PIEZO2: variants seen among roughly 807,000 people sequenced by gnomAD.
PIEZO2 encodes piezo-type mechanosensitive ion channel component 2.
A neutral mutation model predicts 337.3 loss-of-function variants in PIEZO2; 172 were observed. That is an observed-to-expected ratio of 0.51 (90% CI 0.45 to 0.58). The LOEUF (loss-of-function observed/expected upper bound fraction) is 0.58, where lower values mean the gene tolerates loss of function less well. PIEZO2 is among the 20% of genes least tolerant of loss of function. PIEZO2 has a pLI of 0.00. For synonymous variants in PIEZO2, 1,251 were observed against 1,228.5 expected, an observed-to-expected ratio of 1.02 and a Z score of -0.38; for missense variants, 3,028 against 3,391.3, an observed-to-expected ratio of 0.89 and a Z score of 2.66.
Position 10,878,770 on chromosome 18 carries a change from C to T in PIEZO2, c.330-7355G>A, listed in dbSNP as rs1477758800. On this transcript the variant is annotated intron_variant, in intron 4 of 55. Transcript: ENST00000674853. The surrounding 1 kb of genome is among the most constrained non-coding windows in gnomAD (Gnocchi z 4.3). The stretch of plus-strand genomic sequence containing the variant: ...CAGGGTAAGGTCAGACCATACAAAG[C>T]TTGGATGTTTTGAAAAAAAAAAAAA... Among the ~76,000 whole-genome samples, 1 of 146,264 alleles carries T rather than the reference C, an allele frequency of 6.8e-6. No individual in the cohort carries two copies.
At position 10,706,770 on chromosome 18, in the gene PIEZO2, G is replaced by A. The variant is rs556791733; in HGVS notation, c.5589-1024C>T. ...ACCTCAGACACATCCAGCCACGGACGGGAGAGGGGCAAAACCCACCTGGAG... is the reference window on the plus strand; with the variant it reads ...ACCTCAGACACATCCAGCCACGGACAGGAGAGGGGCAAAACCCACCTGGAG... On this transcript the variant is annotated intron_variant, in intron 40 of 55. Transcript: ENST00000674853. Among the ~76,000 whole-genome samples, 68 of 152,248 alleles carry A rather than the reference G, an allele frequency of 4.5e-4. No homozygotes were observed. In the East Asian group the frequency reaches 7.2e-3, roughly 16 times the overall value.
rs180694493 is a variant in PIEZO2 at position 10,699,698 on chromosome 18, T to A, written c.6442-521A>T. 5.5e-5 allele frequency among the ~76,000 whole-genome samples: 8 copies of A among 145,490 alleles called. No homozygotes were observed. The East Asian group carries it at 2.0e-3, about 36-fold the overall frequency. ...TATGAGGGTCCCAGTAGGGAAGAGA[T>A]GGGTGGGTATAGATAATAAGATTTT... On this transcript the variant is annotated intron_variant, in intron 43 of 55. Transcript: ENST00000674853.
Position 10,997,658 on chromosome 18 carries a change from C to T in PIEZO2, c.161-17998G>A, listed in dbSNP as rs1009271656. On this transcript the variant is annotated intron_variant, in intron 2 of 55. Transcript: ENST00000674853. ...AACATTCACCTAATGGTCTCAAGAG[C>T]AGAGTGGTAATGACAAAAAATGAGT... Among the ~76,000 whole-genome samples the T allele has an allele frequency of 2.6e-5, 4 of 152,002 alleles. No individual in the cohort carries two copies. The East Asian group carries it at 5.8e-4, about 22-fold the overall frequency.
At chr18:11,082,931 T>C (rs1254694341) in intron 1 of PIEZO2, among the ~76,000 whole-genome samples, 1 of 152,240 alleles carries the variant, frequency 6.6e-6, no homozygotes, top group East Asian at 1.9e-4. Flanking sequence ...TCATATTATA[T>C]TAAACACATA....
Position 10,778,107 on chromosome 18 carries a change from A to G in PIEZO2, c.2534+2218T>C, listed in dbSNP as rs561433524. Among the ~76,000 whole-genome samples the G allele has an allele frequency of 1.1e-4, 17 of 152,296 alleles. No individual in the cohort carries two copies. In the East Asian group the frequency reaches 3.3e-3, roughly 29 times the overall value. ...TGAATTGTAGGTATGCCCCTCTTTCAGCCCAGAACTAACATTTATAAACAT... is the reference window on the plus strand; with the variant it reads ...TGAATTGTAGGTATGCCCCTCTTTCGGCCCAGAACTAACATTTATAAACAT... On this transcript the variant is annotated intron_variant, in intron 18 of 55. Transcript: ENST00000674853.
At chr18:10,791,084 C>T (rs771105092) in intron 14 of PIEZO2, 117 bp downstream of exon 14, 6 of 1,156,624 alleles carry the variant, frequency 5.2e-6, no homozygotes, top group East Asian at 2.9e-5. Flanking sequence ...TTACTTATTG[C>T]TCCAAGTTTA....
At chr18:10,712,615 G>A (rs1282873034) in intron 39 of PIEZO2, among the ~76,000 whole-genome samples, 1 of 152,166 alleles carries the variant, frequency 6.6e-6, no homozygotes, top group Non-Finnish European at 1.5e-5. Context: ...ATTGTGGGAG[G>A]TTTTCAGGAA....
chr18:10,788,344 G>A (rs1180892695), intron 15 of PIEZO2, among the ~76,000 whole-genome samples: 1 of 150,698 alleles, frequency 6.6e-6, no homozygotes, highest in African/African-American at 2.4e-5. Flanking sequence ...AGAGATTGCA[G>A]TGAGCAATGA....
intron 2 of PIEZO2, among the ~76,000 whole-genome samples, chr18:10,996,441 G>C (rs1468936505): frequency 6.6e-6 from 1 of 152,102 alleles, no homozygotes; most frequent in Non-Finnish European, 1.5e-5. Context: ...CAATTATTTG[G>C]AAGTAAATAA....
At position 11,031,314 on chromosome 18, in the gene PIEZO2, A is replaced by C. The variant is rs1306898298; in HGVS notation, c.160+34813T>G. Among the ~76,000 whole-genome samples, 1 of 151,610 alleles carries C rather than the reference A, an allele frequency of 6.6e-6. No individual in the cohort carries two copies. Among genetic ancestry groups the C allele is most frequent in the Non-Finnish European group, 1.5e-5 (1 of 67,868 alleles). On this transcript the variant is annotated intron_variant, in intron 2 of 55. Transcript: ENST00000674853. The surrounding 1 kb of genome is among the most constrained non-coding windows in gnomAD (Gnocchi z 4.7). ...GCGCCTGGCCTGGAATTTTTTTTTA[A>C]TAAGCCCATCAGGACCTTTCATAAC... is the stretch of plus-strand genomic sequence containing the variant.
Position 10,855,700 on chromosome 18 carries a change from A to G in PIEZO2, c.704-134T>C. ...GTTTTTTAAAATAGTAATTTTTAAA[A>G]ATCATGTTTGATTTATATAATAAAA... On this transcript the variant is annotated intron_variant, in intron 6 of 55. Coordinates refer to ENST00000674853, the MANE Select transcript of PIEZO2 (RefSeq NM_001378183.1). This position sits in a 1 kb window ranked among gnomAD's most constrained non-coding sequence, Gnocchi z 4.9. The G allele has an allele frequency of 1.4e-6, 1 of 702,636 alleles. No individual in the cohort carries two copies. Among genetic ancestry groups the G allele is most frequent in the South Asian group, 2.1e-5 (1 of 47,464 alleles). The allele number at this position is 702,636 out of a possible 1,614,324, so 43.5% of individuals were successfully genotyped here. A position where few individuals can be genotyped will look rare whatever the true frequency, so the allele number is the denominator to read the frequency against.
intron 40 of PIEZO2, among the ~76,000 whole-genome samples, chr18:10,706,550 AC>A (rs904861129): frequency 4.6e-5 from 7 of 152,020 alleles, no homozygotes; most frequent in African/African-American, 1.7e-4. Context: ...ACTTTCTTCT[AC>A]CAGTTCCTCT....
intron 4 of PIEZO2, among the ~76,000 whole-genome samples, chr18:10,896,551 T>G (rs920878006): frequency 1.3e-5 from 2 of 152,178 alleles, no homozygotes; most frequent in African/African-American, 4.8e-5. Flanking sequence ...GATGGCCGAG[T>G]GAAAACAATT....
intron 1 of PIEZO2, among the ~76,000 whole-genome samples, chr18:11,074,876 C>T (rs1043831815): frequency 1.3e-5 from 2 of 152,166 alleles, no homozygotes; most frequent in African/African-American, 4.8e-5. Flanking sequence ...TAGCTCAAGG[C>T]AGTAATTTTA....
In PIEZO2 at chr18:10,853,631, A is replaced by C. The variant is rs2041618619; in HGVS notation, c.917+1722T>G. Among the ~76,000 whole-genome samples the C allele has an allele frequency of 6.6e-6, 1 of 152,220 alleles. No homozygotes were observed. Among genetic ancestry groups the C allele is most frequent in the African/African-American group, 2.4e-5 (1 of 41,464 alleles). On this transcript the variant is annotated intron_variant, in intron 7 of 55. Coordinates refer to ENST00000674853, the MANE Select transcript of PIEZO2 (RefSeq NM_001378183.1). The surrounding 1 kb of genome is among the most constrained non-coding windows in gnomAD (Gnocchi z 4.2). ...TATGAACCTTTCCTCATGCAAAGAA[A>C]AGTTCAAATAGGACAGTGGATAACC...
Position 10,828,608 on chromosome 18 carries a change from G to A in PIEZO2, c.918-21334C>T, listed in dbSNP as rs566075962. 9.2e-5 allele frequency among the ~76,000 whole-genome samples: 14 copies of A among 152,160 alleles called. No individual in the cohort carries two copies. In the South Asian group the frequency reaches 2.3e-3, roughly 25 times the overall value. On this transcript the variant is annotated intron_variant, in intron 7 of 55. Transcript: ENST00000674853. This position sits in a 1 kb window ranked among gnomAD's most constrained non-coding sequence, Gnocchi z 4.1. The stretch of plus-strand genomic sequence containing the variant: ...AGATATTGGTGCCCAGAGAGGGTCC[G>A]GAACTCAAATATTGGTTCTTCTCAT...
chr18:10,902,208 C>T (rs1568181262), intron 4 of PIEZO2, among the ~76,000 whole-genome samples: 1 of 152,196 alleles, frequency 6.6e-6, no homozygotes, highest in South Asian at 2.1e-4. Context: ...TACCCCTACC[C>T]CCATCCGTGG....
intron 2 of PIEZO2, among the ~76,000 whole-genome samples, chr18:11,058,258 A>G (rs770451718): frequency 1.3e-5 from 2 of 152,174 alleles, no homozygotes; most frequent in African/African-American, 2.4e-5. Context: ...TGTTAGAAGG[A>G]AAACTAACAA....
chr18:10,871,190 C>T (rs2144787014), intron 5 of PIEZO2, 63 bp downstream of exon 5: 1 of 1,441,748 alleles, frequency 6.9e-7, no homozygotes, highest in East Asian at 2.5e-5. Flanking sequence ...CATAGTTCTG[C>T]AACTTATTAA....
Sources: gnomAD v4.1 joint callset for allele counts (sites outside exome capture counted in the v4.1 genomes callset) on GRCh38, gnomAD v4.1.1 for gene constraint, Gnocchi (gnomAD v3.1) non-coding constraint, MANE v1.5 for transcripts, NCBI Gene and HGNC (gene_info 2026-07-23, HGNC 2026-07-21) for gene names.